BRAF: variants seen among roughly 807,000 people sequenced by gnomAD.
The protein encoded by BRAF is serine/threonine-protein kinase B-raf.
Under a neutral mutation model 104.6 loss-of-function variants are expected in BRAF, and 16 were observed. The observed-to-expected ratio is 0.15, with a 90% CI of 0.10 to 0.23. The LOEUF is 0.23. BRAF is among the 10% of genes least tolerant of loss of function. The probability of loss-of-function intolerance (pLI) is 1.00; values close to 1 mark genes in which losing one functional copy is unlikely to be tolerated. For synonymous variants in BRAF, 310 were observed against 341.6 expected (o/e 0.91, Z 1.02); for missense variants, 541 against 937.3 (o/e 0.58, Z 5.52).
intron 3 of BRAF, among the ~76,000 whole-genome samples, chr7:140,825,692 A>G (rs1805972710): frequency 1.3e-5 from 2 of 152,220 alleles, no homozygotes; most frequent in Non-Finnish European, 2.9e-5. Context: ...TCAAATTTAT[A>G]GCTTAACTTA....
chr7:140,782,794 T>G (rs778653949), intron 11 of BRAF, among the ~76,000 whole-genome samples: 35 of 152,232 alleles, frequency 2.3e-4, no homozygotes, highest in Non-Finnish European at 8.8e-5. Context: ...AACAGAATAC[T>G]GTTACTCTTC....
downstream of BRAF, among the ~76,000 whole-genome samples, chr7:140,716,321 A>C (rs1007908307): frequency 6.6e-6 from 1 of 152,180 alleles, no homozygotes; most frequent in Non-Finnish European, 1.5e-5. Flanking sequence ...TTTGATCTGT[A>C]CCTTAATGTC....
intron 1 of BRAF, among the ~76,000 whole-genome samples, chr7:140,883,125 T>G (rs757444349): frequency 6.6e-6 from 1 of 152,184 alleles, no homozygotes; most frequent in Non-Finnish European, 1.5e-5. Context: ...ACCAAAACAG[T>G]TGATCTTCTT....
intron 1 of BRAF, among the ~76,000 whole-genome samples, chr7:140,921,185 T>C (rs1818182901): frequency 6.6e-6 from 1 of 152,186 alleles, no homozygotes; most frequent in African/African-American, 2.4e-5. Context: ...ATCACTCTGG[T>C]ATCACACTTA....
At chr7:140,885,544 C>T (rs116803157) in intron 1 of BRAF, among the ~76,000 whole-genome samples, 1 of 152,304 alleles carries the variant, frequency 6.6e-6, no homozygotes, top group African/African-American at 2.4e-5. Flanking sequence ...GGTATTCCTT[C>T]ATACCTCTTA....
chr7:140,908,676 C>A (rs10255711), intron 1 of BRAF, among the ~76,000 whole-genome samples: 44,479 of 152,112 alleles, frequency 0.29, 10,221 homozygotes, highest in African/African-American at 0.64. Context: ...ACCTTCCCTG[C>A]AATCACATGG....
intron 9 of BRAF, among the ~76,000 whole-genome samples, chr7:140,786,823 C>T (rs1006928286): frequency 1.3e-5 from 2 of 151,998 alleles, no homozygotes; most frequent in Non-Finnish European, 2.9e-5. Flanking sequence ...CAGTGGAGCC[C>T]CACAAAGGAA....
At chr7:140,859,342 G>C (rs1261401656) in intron 1 of BRAF, among the ~76,000 whole-genome samples, 1 of 152,162 alleles carries the variant, frequency 6.6e-6, no homozygotes, top group Non-Finnish European at 1.5e-5. Context: ...CAACCTCAAA[G>C]CTCCAATTAT....
chr7:140,841,022 C>T (rs1461625601), intron 2 of BRAF, among the ~76,000 whole-genome samples: 2 of 151,932 alleles, frequency 1.3e-5, no homozygotes, highest in African/African-American at 4.8e-5. Flanking sequence ...GCCTAAAGAA[C>T]TCTTACAACT....
intron 3 of BRAF, chr7:140,834,095 C>G (rs777191721): frequency 3.0e-5 from 5 of 167,906 alleles, no homozygotes; most frequent in Non-Finnish European, 5.2e-5. Context: ...ATAGACCACC[C>G]ACAATAATTC....
chr7:140,787,641 C>T (rs1406507494), intron 8 of BRAF, 57 bp from the exon 9 acceptor site: 16 of 1,430,964 alleles, frequency 1.1e-5, no homozygotes, highest in South Asian at 3.6e-5. Flanking sequence ...CAGAGAGTAG[C>T]GATAACACTG....
At chr7:140,753,568 G>T (rs756277320) in intron 15 of BRAF, 175 bp from the exon 15 acceptor site, 49 of 524,802 alleles carry the variant, frequency 9.3e-5, no homozygotes, top group Non-Finnish European at 1.6e-4. Context: ...ACAATGATTA[G>T]TTCTATTTAG....
chr7:140,916,216 C>T (rs774202608), intron 1 of BRAF, among the ~76,000 whole-genome samples: 2 of 152,154 alleles, frequency 1.3e-5, no homozygotes, highest in Non-Finnish European at 2.9e-5. Flanking sequence ...TGAGAAACAT[C>T]ATTTTACACT....
At chr7:140,923,975 A>C (rs1818553940) in intron 1 of BRAF, among the ~76,000 whole-genome samples, 1 of 152,188 alleles carries the variant, frequency 6.6e-6, no homozygotes, top group African/African-American at 2.4e-5. Flanking sequence ...GCGATTTAGG[A>C]TTGAAAAAGT....
intron 2 of BRAF, chr7:140,836,252 T>A (rs1807325724): frequency 6.6e-6 from 1 of 152,142 alleles, no homozygotes; most frequent in Non-Finnish European, 1.5e-5. Flanking sequence ...AGCATCCCTG[T>A]TTTCTTAAAA....
At chr7:140,793,014 T>C (rs1270167390) in intron 8 of BRAF, among the ~76,000 whole-genome samples, 1 of 152,198 alleles carries the variant, frequency 6.6e-6, no homozygotes, top group Non-Finnish European at 1.5e-5. Flanking sequence ...TAATGTAGTA[T>C]ATAATTCAAG....
rs192948936 is a variant in BRAF, at chr7:140,742,261, G to A, written c.2113-2315C>T. 6.6e-5 allele frequency among the ~76,000 whole-genome samples: 10 copies of A among 150,914 alleles called. No individual in the cohort carries two copies. The East Asian group carries it at 9.9e-4, about 15-fold the overall frequency. ...GGCTAGAGTGTAGTGGTGTGATCTCGGCTCACTGCAACCTCCCCTTCCTGG... is the reference window on the plus strand; with the variant it reads ...GGCTAGAGTGTAGTGGTGTGATCTCAGCTCACTGCAACCTCCCCTTCCTGG... On this transcript the variant is annotated intron_variant, in intron 17 of 19. Coordinates refer to ENST00000644969, the MANE Select transcript of BRAF (RefSeq NM_001374258.1).
intron 18 of BRAF, among the ~76,000 whole-genome samples, chr7:140,738,114 C>G (rs766795853): frequency 6.6e-5 from 10 of 152,054 alleles, no homozygotes; most frequent in Non-Finnish European, 1.3e-4. Flanking sequence ...CAGAGGTTTC[C>G]TGACTTAGAG....
intron 1 of BRAF, among the ~76,000 whole-genome samples, chr7:140,879,232 A>T (rs1394597851): frequency 6.6e-6 from 1 of 151,614 alleles, no homozygotes; most frequent in Non-Finnish European, 1.5e-5. Context: ...GCCAGGCTGG[A>T]GTACAATGGC....
Sources: gnomAD v4.1 joint callset for allele counts (sites outside exome capture counted in the v4.1 genomes callset) on GRCh38, gnomAD v4.1.1 for gene constraint, MANE v1.5 for transcripts, NCBI Gene and HGNC (gene_info 2026-07-23, HGNC 2026-07-21) for gene names.